The following XRN2 variants were observed in gnomAD, a reference collection of about 807,000 sequenced individuals.
XRN2 encodes the protein 5'-3' exoribonuclease 2.
In XRN2, 44 loss-of-function variants were observed where a neutral mutation model predicts 138.5. That is an observed-to-expected ratio of 0.32 (90% CI 0.25 to 0.41). The LOEUF (loss-of-function observed/expected upper bound fraction) is 0.41. Ranked by LOEUF, XRN2 falls within the 10% of genes least tolerant of loss-of-function variation. XRN2 has a pLI of 1.00. For synonymous variants in XRN2, 354 were observed against 369.4 expected, an observed-to-expected ratio of 0.96 and a Z score of 0.48; for missense variants, 937 against 1,169.3, an observed-to-expected ratio of 0.80 and a Z score of 2.90.
chr20:21,370,194 T>C (rs2122323748), intron 27 of XRN2, among the ~76,000 whole-genome samples: 1 of 152,214 alleles, frequency 6.6e-6, no homozygotes, highest in East Asian at 1.9e-4. Flanking sequence ...CTGGGTTCTC[T>C]GTTGTATTCC....
intron 1 of XRN2, among the ~76,000 whole-genome samples, chr20:21,321,684 C>T (rs1341902786): frequency 6.6e-6 from 1 of 152,118 alleles, no homozygotes; most frequent in African/African-American, 2.4e-5. Context: ...TGCACTTTTG[C>T]AAATGAATTT....
At position 21,376,418 on chromosome 20, in the gene XRN2, A is replaced by G. The variant is rs542707656; in HGVS notation, c.2585-5576A>G. Reference sequence around the variant, plus strand: ...GAATAATGTGTCTTTGTTTTAAGATATGATTTTTCAATTTCTGCTTTGGTC... The same window carrying G: ...GAATAATGTGTCTTTGTTTTAAGATGTGATTTTTCAATTTCTGCTTTGGTC... On this transcript the variant is annotated intron_variant, in intron 27 of 29. Transcript: ENST00000377191. 2.3e-4 allele frequency among the ~76,000 whole-genome samples: 35 copies of G among 152,314 alleles called. 1 individual carries two copies. Among genetic ancestry groups the G allele is most frequent in the Admixed American group, 1.4e-3 (22 of 15,302 alleles).
Position 21,334,176 on chromosome 20 carries a change from GGAT to G in XRN2, c.1230_1232del (p.Asp410del). 1 of 1,613,168 alleles carries G rather than the reference GGAT, an allele frequency of 6.2e-7. No individual in the cohort carries two copies. Among genetic ancestry groups the G allele is most frequent in the South Asian group, 1.1e-5 (1 of 90,924 alleles). On this transcript the variant is annotated inframe_deletion, in exon 13 of 30. Coordinates refer to ENST00000377191, the MANE Select transcript of XRN2 (RefSeq NM_012255.5). ...AGGATAGCATTTTTAAAAAGAGAAA[GGAT>G]GATGAGGTAAAGTGTTTCTATTGCA...
At chr20:21,327,213 G>C (rs1044830268) in intron 3 of XRN2, among the ~76,000 whole-genome samples, 3 of 152,204 alleles carry the variant, frequency 2.0e-5, no homozygotes, top group African/African-American at 7.2e-5. Context: ...ACCGTCTGGA[G>C]TTTGGACTGT....
intron 1 of XRN2, among the ~76,000 whole-genome samples, chr20:21,323,273 G>A (rs759319707): frequency 3.9e-5 from 6 of 152,160 alleles, no homozygotes; most frequent in Admixed American, 6.5e-5. Context: ...CTGGTTTTCC[G>A]CCGTAGTTAT....
chr20:21,308,626 C>T (rs868866179), intron 1 of XRN2, among the ~76,000 whole-genome samples: 3 of 152,156 alleles, frequency 2.0e-5, no homozygotes, highest in Non-Finnish European at 2.9e-5. Context: ...TATATCATCA[C>T]GGGCAGGGTG....
At position 21,354,828 on chromosome 20, in the gene XRN2, G is replaced by A. The variant is rs2038556736; in HGVS notation, c.1976G>A (p.Arg659Gln). The change falls in exon 21 of 30, where the codon CGA (arginine) becomes CAA (glutamine). Residue 659 changes from arginine (R) to glutamine (Q), a missense_variant. Physicochemically the swap from Arg to Gln is conservative, Grantham distance 43 (BLOSUM62 1). This residue lies in a region of XRN2 where 372 missense variants were observed against 414.4 expected (regional missense o/e 0.90). Coordinates refer to ENST00000377191, the MANE Select transcript of XRN2 (RefSeq NM_012255.5). ...CCATTCGTGGATGAGCGAAGGCTAC[G>A]AGCTGCCCTAGAAGAGGTATACCCA... ...LLPFVDERRL[R>Q]AALEEVYPDL... is the part of the protein sequence containing the mutation. 3 of 1,613,988 alleles carry A rather than the reference G, an allele frequency of 1.9e-6. No individual in the cohort carries two copies. Among genetic ancestry groups the A allele is most frequent in the Admixed American group, 1.7e-5 (1 of 60,010 alleles).
chr20:21,354,698 C>T lies in XRN2; in HGVS notation c.1937-91C>T. The T allele has an allele frequency of 2.5e-6, 3 of 1,205,906 alleles. 1 individual carries two copies. The South Asian group carries it at 4.0e-5, about 16-fold the overall frequency. 74.7% of individuals were successfully genotyped at this position (1,205,906 alleles called of 1,614,324 possible). A position where few individuals can be genotyped will look rare whatever the true frequency, so the allele number is the denominator to read the frequency against. ...AAATGTTTTTGTATCAGCAAGGAAA[C>T]TCTACTAGAAACGTTCATTTCGAGC... On this transcript the variant is annotated intron_variant, in intron 20 of 29. Coordinates refer to ENST00000377191, the MANE Select transcript of XRN2 (RefSeq NM_012255.5).
chr20:21,344,066 CT>C (rs1315177320), intron 15 of XRN2, 23 bp from the exon 16 acceptor site: 1 of 1,527,138 alleles, frequency 6.5e-7, no homozygotes, highest in Non-Finnish European at 9.1e-7. Flanking sequence ...AATCCTTCTT[CT>C]GTAATGTCAT....
intron 26 of XRN2, among the ~76,000 whole-genome samples, chr20:21,367,354 T>C (rs1375490648): frequency 1.3e-5 from 2 of 152,174 alleles, no homozygotes; most frequent in Non-Finnish European, 2.9e-5. Context: ...TGATAACTTA[T>C]AAATAGATGT....
chr20:21,313,959 TTAAAGTG>T (rs2037923319), intron 1 of XRN2, among the ~76,000 whole-genome samples: 1 of 152,248 alleles, frequency 6.6e-6, no homozygotes, highest in Non-Finnish European at 1.5e-5. Context: ...ATTCACCCAT[TTAAAGTG>T]TACAACTCAG....
At chr20:21,379,926 C>G (rs1056411143) in intron 27 of XRN2, among the ~76,000 whole-genome samples, 8 of 152,074 alleles carry the variant, frequency 5.3e-5, no homozygotes, top group Non-Finnish European at 5.9e-5. Flanking sequence ...TTTCTTAAAA[C>G]ATTAGATTGT....
intron 1 of XRN2, among the ~76,000 whole-genome samples, chr20:21,309,135 G>C (rs1004233684): frequency 3.9e-5 from 6 of 152,186 alleles, no homozygotes; most frequent in African/African-American, 1.4e-4. Context: ...AAAGATATTT[G>C]TAGCATTCTT....
chr20:21,348,007 G>A, intron 17 of XRN2, 139 bp from the exon 18 acceptor site: 1 of 658,136 alleles, frequency 1.5e-6, no homozygotes, highest in Non-Finnish European at 2.4e-6. Flanking sequence ...GAAAAGATCA[G>A]TATTTGGAAT....
chr20:21,322,709 G>A (rs938946893), intron 1 of XRN2, among the ~76,000 whole-genome samples: 2 of 152,222 alleles, frequency 1.3e-5, no homozygotes, highest in East Asian at 3.9e-4. Context: ...AACATTATTT[G>A]TATATTTGTA....
intron 1 of XRN2, among the ~76,000 whole-genome samples, chr20:21,320,682 T>G (rs1382563843): frequency 6.8e-6 from 1 of 147,710 alleles, no homozygotes; most frequent in Non-Finnish European, 1.5e-5. Flanking sequence ...GTAACCTCCA[T>G]CTCCCGGGTT....
At chr20:21,363,395 C>A (rs1251093553) in intron 24 of XRN2, among the ~76,000 whole-genome samples, 3 of 152,178 alleles carry the variant, frequency 2.0e-5, no homozygotes, top group African/African-American at 7.2e-5. Context: ...GCAAGTCTTG[C>A]TTTGTTACTT....
intron 15 of XRN2, among the ~76,000 whole-genome samples, chr20:21,341,551 C>G (rs1363885455): frequency 6.6e-6 from 1 of 152,158 alleles, no homozygotes; most frequent in African/African-American, 2.4e-5. Context: ...CCACCACCTT[C>G]CTATTGTAGT....
intron 14 of XRN2, among the ~76,000 whole-genome samples, chr20:21,339,721 GT>G (rs2038346944): frequency 6.6e-6 from 1 of 152,172 alleles, no homozygotes; most frequent in Non-Finnish European, 1.5e-5. Flanking sequence ...TATGCTCATA[GT>G]ACAGGTTGAG....
Sources: gnomAD v4.1 joint callset for allele counts (sites outside exome capture counted in the v4.1 genomes callset) on GRCh38, gnomAD v4.1.1 for gene constraint, gnomAD v4.1.1 regional missense constraint, MANE v1.5 for transcripts, NCBI Gene and HGNC (gene_info 2026-07-23, HGNC 2026-07-21) for gene names.